Variants in ZFHX3 observed in about 807,000 individuals in gnomAD.
The protein encoded by ZFHX3 is zinc finger homeobox 3, also known as zinc finger homeobox protein 3.
A neutral mutation model predicts 279.1 loss-of-function variants in ZFHX3; 42 were observed. The observed-to-expected ratio is 0.15, with a 90% CI of 0.12 to 0.19. The LOEUF (loss-of-function observed/expected upper bound fraction) is 0.19. ZFHX3 is among the 10% of genes least tolerant of loss of function. ZFHX3 has a pLI of 1.00. For synonymous variants in ZFHX3, 2,293 were observed against 1,957.8 expected (o/e 1.17, Z -4.52); for missense variants, 4,981 against 4,754.0 (o/e 1.05, Z -1.40).
At chr16:73,567,901 C>T (rs1013997094) in intron 2 of ZFHX3, among the ~76,000 whole-genome samples, 4 of 151,956 alleles carry the variant, frequency 2.6e-5, no homozygotes, top group Non-Finnish European at 5.9e-5. Flanking sequence ...TGAACGTAAA[C>T]CAATGTACTA....
At chr16:73,653,574 G>C (rs1286126950) in intron 2 of ZFHX3, among the ~76,000 whole-genome samples, 3 of 151,212 alleles carry the variant, frequency 2.0e-5, no homozygotes, top group Non-Finnish European at 4.4e-5. Context: ...AAACTTGTGA[G>C]ATATAACTAA....
At chr16:73,767,405 G>A (rs963782746) in intron 1 of ZFHX3, among the ~76,000 whole-genome samples, 1 of 152,164 alleles carries the variant, frequency 6.6e-6, no homozygotes, top group Middle Eastern at 3.2e-3. Context: ...GATGAGGACC[G>A]CAGGTACCAG....
rs541732108 is a variant in ZFHX3, at chr16:73,305,959, A to T, written c.-1194+12281T>A. 7.9e-5 allele frequency among the ~76,000 whole-genome samples: 12 copies of T among 152,300 alleles called. No individual in the cohort carries two copies. The South Asian group carries it at 2.5e-3, about 32-fold the overall frequency. Reference sequence around the variant, plus strand: ...AGACTTTTAAATGAAAGTTTTGCCAACTGTGAAACAGACAGGAATTACCTG... The same window carrying T: ...AGACTTTTAAATGAAAGTTTTGCCATCTGTGAAACAGACAGGAATTACCTG... On this transcript the variant is annotated intron_variant, in intron 4 of 17. Coordinates refer to the ZFHX3 transcript ENST00000641206.
chr16:73,408,457 C>T (rs763018451), intron 3 of ZFHX3, among the ~76,000 whole-genome samples: 12 of 152,120 alleles, frequency 7.9e-5, no homozygotes, highest in East Asian at 1.9e-4. Flanking sequence ...CTCATTGACA[C>T]GTCCACCCTT....
At chr16:73,588,848 G>C (rs1026555717) in intron 2 of ZFHX3, among the ~76,000 whole-genome samples, 1 of 152,080 alleles carries the variant, frequency 6.6e-6, no homozygotes. Flanking sequence ...GGGTTGGGGA[G>C]AGAGAAAGAT....
chr16:73,866,870 G>C (rs528032774), intron 1 of ZFHX3, among the ~76,000 whole-genome samples: 2 of 152,290 alleles, frequency 1.3e-5, no homozygotes, highest in Admixed American at 6.5e-5. Context: ...GCAGCTCTAG[G>C]GAAACCACAT....
intron 3 of ZFHX3, among the ~76,000 whole-genome samples, chr16:73,411,516 G>C (rs906457828): frequency 6.6e-6 from 1 of 151,866 alleles, no homozygotes; most frequent in Non-Finnish European, 1.5e-5. Context: ...TTTTTTTTCA[G>C]GATCACATTA....
At chr16:73,302,076 T>A (rs1048999150) in intron 4 of ZFHX3, among the ~76,000 whole-genome samples, 1 of 152,150 alleles carries the variant, frequency 6.6e-6, no homozygotes, top group African/African-American at 2.4e-5. Context: ...AATCCCCTTT[T>A]ATTAACAAAG....
At chr16:73,522,483 G>T (rs1179126258) in intron 2 of ZFHX3, among the ~76,000 whole-genome samples, 1 of 152,124 alleles carries the variant, frequency 6.6e-6, no homozygotes, top group South Asian at 2.1e-4. Flanking sequence ...CCAGGATCTG[G>T]TACAGAACTG....
In ZFHX3 at chr16:72,797,589, C is replaced by G. The variant is rs547134906; in HGVS notation, c.5093G>C (p.Gly1698Ala). The G allele has an allele frequency of 1.2e-6, 2 of 1,614,054 alleles. No individual in the cohort carries two copies. Among genetic ancestry groups the G allele is most frequent in the Non-Finnish European group, 1.7e-6 (2 of 1,180,008 alleles). The part of the protein sequence containing the change: ...VGMPPLGNPI[G>A]ANIASPSEPK... ...CTCTGAAGGGGAAGCAATGTTGGCACCAATAGGATTCCCCAGGGGTGGCAT... is the reference window on the plus strand; with the variant it reads ...CTCTGAAGGGGAAGCAATGTTGGCAGCAATAGGATTCCCCAGGGGTGGCAT... Residue 1698 changes from glycine to alanine, a missense_variant, in exon 9 of 10, where the codon GGT becomes GCT. Physicochemically the swap from Gly to Ala is moderately conservative, Grantham distance 60. Around this residue, in one of 7 missense-constraint regions of ZFHX3, gnomAD observed 1,751 missense variants for 1,770.0 expected, o/e 0.99. Coordinates refer to ENST00000268489, the MANE Select transcript of ZFHX3 (RefSeq NM_006885.4).
At chr16:73,472,609 T>C (rs1169663967) in intron 2 of ZFHX3, among the ~76,000 whole-genome samples, 2 of 152,212 alleles carry the variant, frequency 1.3e-5, no homozygotes, top group African/African-American at 4.8e-5. Flanking sequence ...TCCCTCCTTC[T>C]CCGTCCTACC....
In ZFHX3 at chr16:72,788,123, G is replaced by GCTGCTC. The variant is rs756884041; in HGVS notation, c.10152_10153insGAGCAG (p.Gln3384_Gln3385insGluGln). On this transcript the variant is annotated inframe_insertion, in exon 10 of 10. Transcript: ENST00000268489. ...TGCTGCACTTTTTGCTGCTGCTGCT[G>GCTGCTC]CTGTAGTTGCCGCTGCTGCTGCTGC... 1 of 1,596,802 alleles carries GCTGCTC rather than the reference G, an allele frequency of 6.3e-7. No homozygotes were observed. Among genetic ancestry groups the GCTGCTC allele is most frequent in the Admixed American group, 1.7e-5 (1 of 59,582 alleles).
intron 5 of ZFHX3, among the ~76,000 whole-genome samples, chr16:73,186,165 C>G (rs918209032): frequency 6.6e-6 from 1 of 152,038 alleles, no homozygotes; most frequent in African/African-American, 2.4e-5. Context: ...TTGTATAATT[C>G]ATTATATGTT....
At chr16:73,444,725 A>G (rs2018151632) in intron 3 of ZFHX3, among the ~76,000 whole-genome samples, 1 of 152,224 alleles carries the variant, frequency 6.6e-6, no homozygotes, top group East Asian at 1.9e-4. Flanking sequence ...GCAACTGAGC[A>G]ACACTCAAAG....
intron 1 of ZFHX3, among the ~76,000 whole-genome samples, chr16:73,718,001 T>G (rs952386049): frequency 6.6e-6 from 1 of 152,226 alleles, no homozygotes; most frequent in Non-Finnish European, 1.5e-5. Flanking sequence ...CAAGTGGTGC[T>G]TCCTTGAAAG....
chr16:73,650,341 C>CA (rs962090444), intron 2 of ZFHX3, among the ~76,000 whole-genome samples: 1,512 of 122,772 alleles, frequency 0.012, 14 homozygotes, highest in African/African-American at 0.028. Flanking sequence ...GCGCATTTTC[C>CA]AAAAAAAAAA....
intron 1 of ZFHX3, among the ~76,000 whole-genome samples, chr16:72,974,197 C>T (rs1416213324): frequency 1.3e-5 from 2 of 152,178 alleles, no homozygotes; most frequent in Non-Finnish European, 2.9e-5. Flanking sequence ...ATCGAATCTA[C>T]CTGAGAACAA....
chr16:73,637,063 T>C (rs1010732931), intron 2 of ZFHX3, among the ~76,000 whole-genome samples: 1 of 151,934 alleles, frequency 6.6e-6, no homozygotes, highest in Non-Finnish European at 1.5e-5. Flanking sequence ...AATAAGCAGA[T>C]CAACAGAAAA....
rs1363212365 is a variant in ZFHX3 at position 73,122,234 on chromosome 16, C to G, written c.-897+8734G>C. Among the ~76,000 whole-genome samples, 13 of 151,948 alleles carry G rather than the reference C, an allele frequency of 8.6e-5. 1 individual carries two copies. The highest frequency in any genetic ancestry group is 8.5e-4 in the Admixed American group (13 of 15,252). On this transcript the variant is annotated intron_variant, in intron 7 of 17. Coordinates refer to the ZFHX3 transcript ENST00000641206. ...TGCTCTTTTTTTTTTAAGATGGAGT[C>G]TCACTCTGTAGCCCAGGCTGGAGTG...
Sources: allele counts gnomAD v4.1 joint callset (sites outside exome capture counted in the v4.1 genomes callset), GRCh38; gene constraint gnomAD v4.1.1; regional missense constraint gnomAD v4.1.1; transcripts MANE v1.5; gene names NCBI Gene and HGNC (gene_info 2026-07-23, HGNC 2026-07-21).